Variants in STXBP5L observed in about 807,000 individuals in gnomAD.
STXBP5L encodes the protein syntaxin-binding protein 5-like.
In STXBP5L, 65 loss-of-function variants were observed where a neutral mutation model predicts 144.5. The ratio of observed to expected loss-of-function variants is 0.45; its 90% CI spans 0.37 to 0.55. The LOEUF (loss-of-function observed/expected upper bound fraction) is 0.55. Ranked by LOEUF, STXBP5L falls within the 20% of genes least tolerant of loss-of-function variation. STXBP5L has a pLI of 0.00. For missense variants in STXBP5L, 1,298 were observed against 1,405.5 expected (o/e 0.92, Z 1.22); for synonymous variants, 505 against 469.6 (o/e 1.08, Z -0.97).
chr3:121,118,721 G>GT (rs2044334585), intron 6 of STXBP5L, among the ~76,000 whole-genome samples: 2 of 151,530 alleles, frequency 1.3e-5, no homozygotes, highest in African/African-American at 4.8e-5. Context: ...TGTTGTAGGA[G>GT]TGGAGATAAA....
intron 5 of STXBP5L, among the ~76,000 whole-genome samples, chr3:121,062,980 A>G (rs929755754): frequency 1.3e-5 from 2 of 152,082 alleles, no homozygotes; most frequent in African/African-American, 4.8e-5. Flanking sequence ...GGAGTTTGTT[A>G]TTACCCATCT....
At chr3:121,250,592 C>A in intron 14 of STXBP5L, 131 bp from the exon 15 acceptor site, 1 of 700,118 alleles carries the variant, frequency 1.4e-6, no homozygotes. Flanking sequence ...GTTTAGCATA[C>A]ATTAGTTTTC....
At chr3:121,119,896 A>G (rs939173390) in intron 6 of STXBP5L, among the ~76,000 whole-genome samples, 20 of 151,288 alleles carry the variant, frequency 1.3e-4, no homozygotes, top group African/African-American at 4.6e-4. Context: ...TTAATGTTAG[A>G]TTATTTTCAG....
chr3:121,321,272 T>A (rs949015057), intron 20 of STXBP5L, among the ~76,000 whole-genome samples: 4 of 152,196 alleles, frequency 2.6e-5, no homozygotes, highest in African/African-American at 4.8e-5. Context: ...TTGTAATCAT[T>A]AAATGTTATA....
intron 20 of STXBP5L, among the ~76,000 whole-genome samples, chr3:121,368,923 T>TC (rs1250497457): frequency 3.3e-5 from 5 of 152,082 alleles, no homozygotes; most frequent in Non-Finnish European, 5.9e-5. Flanking sequence ...AGACAGAGGG[T>TC]GTAGGGCTTG....
intron 6 of STXBP5L, among the ~76,000 whole-genome samples, chr3:121,117,696 T>G (rs2044292996): frequency 6.6e-6 from 1 of 151,814 alleles, no homozygotes; most frequent in South Asian, 2.1e-4. Context: ...TTTAAGTCCT[T>G]ATTGAAATAC....
chr3:121,027,273 T>C (rs1034441649), intron 3 of STXBP5L, among the ~76,000 whole-genome samples: 1 of 152,012 alleles, frequency 6.6e-6, no homozygotes, highest in African/African-American at 2.4e-5. Flanking sequence ...GTACTCAAAT[T>C]CATATAGTTA....
chr3:121,114,884 G>A, intron 5 of STXBP5L, 41 bp from the exon 6 acceptor site: 2 of 1,360,532 alleles, frequency 1.5e-6, no homozygotes, highest in South Asian at 1.6e-5. Context: ...CTGACCAAAT[G>A]TAAAATTTAG....
intron 9 of STXBP5L, among the ~76,000 whole-genome samples, chr3:121,177,566 CA>C (rs1220958851): frequency 6.6e-6 from 1 of 152,012 alleles, no homozygotes; most frequent in Non-Finnish European, 1.5e-5. Flanking sequence ...ATGAAAATAC[CA>C]CCTCACATCC....
At chr3:121,302,989 A>C (rs1304808893) in intron 19 of STXBP5L, among the ~76,000 whole-genome samples, 2 of 152,224 alleles carry the variant, frequency 1.3e-5, no homozygotes. Flanking sequence ...TTCATGTGTA[A>C]AACACCAAAA....
At chr3:121,066,865 T>C (rs1007101390) in intron 5 of STXBP5L, among the ~76,000 whole-genome samples, 4 of 152,136 alleles carry the variant, frequency 2.6e-5, no homozygotes, top group African/African-American at 9.6e-5. Flanking sequence ...GGGGCAATTT[T>C]AAATGACATA....
chr3:121,121,618 A>G, intron 6 of STXBP5L, 23 bp from the exon 7 acceptor site: 1 of 1,564,122 alleles, frequency 6.4e-7, no homozygotes, highest in Non-Finnish European at 8.8e-7. Flanking sequence ...GTTTTTAATT[A>G]CTGTTTTGAA....
chr3:121,309,913 C>T (rs371796830), intron 19 of STXBP5L, among the ~76,000 whole-genome samples: 2 of 152,152 alleles, frequency 1.3e-5, no homozygotes, highest in South Asian at 2.1e-4. Flanking sequence ...AACTTCACTA[C>T]CTGATTTCAA....
At chr3:121,324,643 C>A in intron 20 of STXBP5L, 1 of 635,408 alleles carries the variant, frequency 1.6e-6, no homozygotes, top group Non-Finnish European at 2.8e-6. Context: ...TCACAATTTT[C>A]TAGGCTTCAC....
chr3:121,363,334 G>A (rs2045769378), intron 20 of STXBP5L, among the ~76,000 whole-genome samples: 1 of 152,132 alleles, frequency 6.6e-6, no homozygotes, highest in African/African-American at 2.4e-5. Context: ...CCTAAGAGTT[G>A]TAGTCCTTAT....
At chr3:121,332,458 G>A (rs1375106602) in intron 20 of STXBP5L, among the ~76,000 whole-genome samples, 1 of 147,488 alleles carries the variant, frequency 6.8e-6, no homozygotes, top group Non-Finnish European at 1.5e-5. Context: ...CACATTTAAG[G>A]AATTATGAAA....
intron 22 of STXBP5L, among the ~76,000 whole-genome samples, chr3:121,394,238 A>C (rs2046667564): frequency 6.6e-6 from 1 of 152,114 alleles, no homozygotes; most frequent in South Asian, 2.1e-4. Flanking sequence ...TTAGTGTATA[A>C]AAGTGGTACT....
intron 9 of STXBP5L, among the ~76,000 whole-genome samples, chr3:121,164,464 A>C (rs965986227): frequency 6.6e-6 from 1 of 152,174 alleles, no homozygotes; most frequent in African/African-American, 2.4e-5. Flanking sequence ...TCATTATGGA[A>C]AACTAATAGG....
intron 7 of STXBP5L, among the ~76,000 whole-genome samples, chr3:121,143,350 A>ACCAAAACT (rs1440616114): frequency 6.6e-6 from 1 of 151,668 alleles, no homozygotes; most frequent in African/African-American, 2.4e-5. Flanking sequence ...TTACCCTGAC[A>ACCAAAACT]CCAAAACTAG....
Sources: gnomAD v4.1 joint callset for allele counts (sites outside exome capture counted in the v4.1 genomes callset) on GRCh38, gnomAD v4.1.1 for gene constraint, MANE v1.5 for transcripts, NCBI Gene and HGNC (gene_info 2026-07-23, HGNC 2026-07-21) for gene names.